Variants in MACROD2 observed in about 807,000 individuals in gnomAD.
MACROD2 encodes the protein ADP-ribose glycohydrolase MACROD2.
MACROD2 carries 36 observed loss-of-function variants against 70.4 expected under a neutral mutation model. The ratio of observed to expected loss-of-function variants is 0.51; its 90% confidence interval spans 0.39 to 0.68. MACROD2 has a LOEUF of 0.68. Among genes scored for constraint, MACROD2 ranks in the 30% least tolerant of loss-of-function variants. MACROD2 has a pLI of 0.00. For synonymous variants in MACROD2, 172 were observed against 178.8 expected (o/e 0.96, Z 0.30); for missense variants, 496 against 538.4 (o/e 0.92, Z 0.78).
At chr20:14,607,855 A>T (rs1982904523) in intron 4 of MACROD2, among the ~76,000 whole-genome samples, 2 of 152,188 alleles carry the variant, frequency 1.3e-5, no homozygotes, top group Non-Finnish European at 2.9e-5. Flanking sequence ...TGCTATGGAA[A>T]GAGAAGAAAA....
chr20:14,710,292 A>G (rs1231302092), intron 5 of MACROD2, among the ~76,000 whole-genome samples: 3 of 152,228 alleles, frequency 2.0e-5, no homozygotes, highest in Non-Finnish European at 4.4e-5. Flanking sequence ...TTCTGCCCAT[A>G]TGAAGGCATA....
intron 5 of MACROD2, among the ~76,000 whole-genome samples, chr20:15,173,881 T>C (rs1303826184): frequency 6.6e-6 from 1 of 152,208 alleles, no homozygotes; most frequent in African/African-American, 2.4e-5. Flanking sequence ...AAATGTTGCA[T>C]TGTTGACTTT....
chr20:15,205,818 GA>G (rs1444948193), intron 5 of MACROD2, among the ~76,000 whole-genome samples: 1 of 152,228 alleles, frequency 6.6e-6, no homozygotes, highest in African/African-American at 2.4e-5. Context: ...TAAGTATTGG[GA>G]AGGGATTTAT....
intron 4 of MACROD2, among the ~76,000 whole-genome samples, chr20:14,576,336 A>G (rs895962283): frequency 6.6e-6 from 1 of 152,198 alleles, no homozygotes; most frequent in African/African-American, 2.4e-5. Context: ...GTGAGATGGC[A>G]TGAACCACAA....
intron 3 of MACROD2, among the ~76,000 whole-genome samples, chr20:14,279,598 G>A (rs892323725): frequency 1.3e-5 from 2 of 152,188 alleles, no homozygotes; most frequent in Admixed American, 1.3e-4. Context: ...AAGTCTCAGA[G>A]AGGCTTGTAA....
At chr20:15,077,857 G>A (rs1034133727) in intron 5 of MACROD2, among the ~76,000 whole-genome samples, 40 of 152,074 alleles carry the variant, frequency 2.6e-4, no homozygotes, top group African/African-American at 9.4e-4. Flanking sequence ...CCACTGCAGC[G>A]GCAGCAGTTG....
chr20:14,787,660 C>CT (rs2072391414), intron 5 of MACROD2, among the ~76,000 whole-genome samples: 1 of 152,046 alleles, frequency 6.6e-6, no homozygotes, highest in Non-Finnish European at 1.5e-5. Flanking sequence ...CCTCGTTTTC[C>CT]TTTTCATGCC....
At chr20:15,622,335 A>G (rs760882450) in intron 8 of MACROD2, among the ~76,000 whole-genome samples, 5 of 152,264 alleles carry the variant, frequency 3.3e-5, no homozygotes, top group Non-Finnish European at 4.4e-5. Context: ...AAAATACAGC[A>G]GTGCCCCCTT....
intron 8 of MACROD2, among the ~76,000 whole-genome samples, chr20:15,719,436 T>C (rs2050753755): frequency 6.6e-6 from 1 of 152,208 alleles, no homozygotes; most frequent in African/African-American, 2.4e-5. Flanking sequence ...TATTTGGTGA[T>C]TAGCTGTGAT....
At position 14,459,614 on chromosome 20, in the gene MACROD2, CTG is replaced by C. The variant is rs1344421563; in HGVS notation, c.272-33864_272-33863del. Among the ~76,000 whole-genome samples, 18 of 152,040 alleles carry C rather than the reference CTG, an allele frequency of 1.2e-4. No individual in the cohort carries two copies. In the East Asian group the frequency reaches 3.3e-3, roughly 28 times the overall value. On this transcript the variant is annotated intron_variant, in intron 3 of 17. Transcript: ENST00000684519. ...TTCTCCTTTAGGAAAAAAATTAACA[CTG>C]AATTTTACCAGTTCTAATTTTTTTT...
intron 4 of MACROD2, among the ~76,000 whole-genome samples, chr20:14,503,242 G>C (rs2084933249): frequency 6.6e-6 from 1 of 152,080 alleles, no homozygotes; most frequent in Non-Finnish European, 1.5e-5. Flanking sequence ...GAAGCTTAGA[G>C]TACACAAGGG....
At chr20:15,997,188 T>C (rs1224290308) in intron 15 of MACROD2, among the ~76,000 whole-genome samples, 1 of 152,200 alleles carries the variant, frequency 6.6e-6, no homozygotes, top group African/African-American at 2.4e-5. Flanking sequence ...CTATTTGGGA[T>C]ATTTTGTGTT....
At chr20:14,906,514 A>G (rs1034606750) in intron 5 of MACROD2, among the ~76,000 whole-genome samples, 1 of 152,140 alleles carries the variant, frequency 6.6e-6, no homozygotes, top group Non-Finnish European at 1.5e-5. Context: ...GAAAAGAAAA[A>G]AAAATCAGCA....
chr20:14,148,815 G>A (rs548677077), intron 3 of MACROD2, among the ~76,000 whole-genome samples: 1 of 152,202 alleles, frequency 6.6e-6, no homozygotes, highest in South Asian at 2.1e-4. Context: ...AATACTTTTT[G>A]CCTTCTGGAT....
intron 5 of MACROD2, among the ~76,000 whole-genome samples, chr20:15,104,355 A>C (rs1418242664): frequency 6.6e-6 from 1 of 152,134 alleles, no homozygotes; most frequent in Non-Finnish European, 1.5e-5. Flanking sequence ...CTCTTTGCTC[A>C]ATGTTCAGAA....
At chr20:15,331,838 T>A (rs2077995977) in intron 6 of MACROD2, among the ~76,000 whole-genome samples, 1 of 151,442 alleles carries the variant, frequency 6.6e-6, no homozygotes, top group African/African-American at 2.4e-5. Flanking sequence ...ATAAAACTTC[T>A]CTAGGGTAAT....
chr20:15,006,806 G>A (rs2122919209), intron 5 of MACROD2, among the ~76,000 whole-genome samples: 1 of 152,218 alleles, frequency 6.6e-6, no homozygotes, highest in Non-Finnish European at 1.5e-5. Flanking sequence ...CTCTCGGGCT[G>A]GCTGCCTACT....
intron 9 of MACROD2, among the ~76,000 whole-genome samples, chr20:15,879,349 C>T (rs2064720522): frequency 6.6e-6 from 1 of 151,616 alleles, no homozygotes; most frequent in Admixed American, 6.6e-5. Context: ...TTTTTTTGTT[C>T]CTAGTTTTGT....
At chr20:14,620,261 C>A (rs1983754159) in intron 4 of MACROD2, among the ~76,000 whole-genome samples, 1 of 151,928 alleles carries the variant, frequency 6.6e-6, no homozygotes, top group African/African-American at 2.4e-5. Context: ...TTCCTCCTGT[C>A]CAAGTGACCC....
Sources: allele counts gnomAD v4.1 joint callset (sites outside exome capture counted in the v4.1 genomes callset), GRCh38; gene constraint gnomAD v4.1.1; transcripts MANE v1.5; gene names NCBI Gene and HGNC (gene_info 2026-07-23, HGNC 2026-07-21).